Variants in NES observed in about 807,000 individuals in gnomAD.
NES encodes the protein nestin.
Under a neutral mutation model 35.6 loss-of-function variants are expected in NES, and 27 were observed. That is an observed-to-expected ratio of 0.76 (90% CI 0.56 to 1.04). The LOEUF is 1.04. Among genes scored for constraint, NES ranks in the 50% least tolerant of loss-of-function variants. The pLI is 0.00. For synonymous variants in NES, 822 were observed against 824.2 expected (o/e 1.00, Z 0.04); for missense variants, 1,867 against 1,983.6 (o/e 0.94, Z 1.12).
Position 156,676,656 on chromosome 1 carries a change from C to T in NES, c.609G>A (p.Ser203=). The T allele has an allele frequency of 1.3e-6, 2 of 1,525,854 alleles. No individual in the cohort carries two copies. Among genetic ancestry groups the T allele is most frequent in the Non-Finnish European group, 1.7e-6 (2 of 1,149,306 alleles). 94.5% of individuals were successfully genotyped at this position (1,525,854 alleles called of 1,614,324 possible). The change falls in exon 1 of 4, where the codon TCG becomes TCA. Residue 203 remains serine, a synonymous_variant. Transcript: ENST00000368223. The surrounding 1 kb of genome is among the most constrained non-coding windows in gnomAD (Gnocchi z 5.3). The part of the protein sequence containing the change: ...YQERVAHMET[S]LGQARERLGR... Reference sequence around the variant, plus strand: ...CCAGCCGCTCGCGGGCCTGGCCCAGCGACGTCTCCATGTGTGCCACGCGCT... The same window carrying T: ...CCAGCCGCTCGCGGGCCTGGCCCAGTGACGTCTCCATGTGTGCCACGCGCT...
rs761585389 is a variant in NES, at chr1:156,672,977, T to C, written c.1211A>G (p.Glu404Gly). ...PQAPSPAVDA[E>G]IRAQDAPLSL... ...GAGAGGAGCATCCTGGGCTCTGATC[T>C]CTGCATCTACAGCAGGAGAGGGTGC... The change falls in exon 4 of 4, where the codon GAG becomes GGG. Residue 404 changes from glutamate to glycine, a missense_variant. Coordinates refer to ENST00000368223, the MANE Select transcript of NES (RefSeq NM_006617.2). 1 of 1,614,004 alleles carries C rather than the reference T, an allele frequency of 6.2e-7. No homozygotes were observed. The highest frequency in any genetic ancestry group is 8.5e-7 in the Non-Finnish European group (1 of 1,179,950).
At position 156,676,337 on chromosome 1, in the gene NES, A is replaced by C; in HGVS notation, c.783+145T>G. 1 of 756,300 alleles carries C rather than the reference A, an allele frequency of 1.3e-6. No homozygotes were observed. The allele number at this position is 756,300 out of a possible 1,614,324, so 46.8% of individuals were successfully genotyped here. A position where few individuals can be genotyped will look rare whatever the true frequency, so the allele number is the denominator to read the frequency against. ...ACTAGACGGGCTGTAAAAGTCTAGG[A>C]CTTGTGGCACCAGGTTTCTGAGAAC... On this transcript the variant is annotated intron_variant, in intron 1 of 3. Transcript: ENST00000368223. The surrounding 1 kb of genome is among the most constrained non-coding windows in gnomAD (Gnocchi z 5.3).
rs781031799 is a variant in NES at position 156,670,511 on chromosome 1, G to T, written c.3677C>A (p.Thr1226Asn). Reference protein sequence around the residue: ...PVLVSPSPTYTPILEDAPGPQ... With the variant: ...PVLVSPSPTYNPILEDAPGPQ... ...CCCAGGGGCATCTTCCAGGATCGGG[G>T]TGTACGTTGGGCTGGGGGAGACCAG... Residue 1226 changes from threonine to asparagine, a missense_variant, in exon 4 of 4, where the codon ACC becomes AAC. Coordinates refer to ENST00000368223, the MANE Select transcript of NES (RefSeq NM_006617.2). The T allele has an allele frequency of 6.3e-7, 1 of 1,598,810 alleles. No homozygotes were observed. Among genetic ancestry groups the T allele is most frequent in the African/African-American group, 1.3e-5 (1 of 74,614 alleles).
At position 156,671,352 on chromosome 1, in the gene NES, C is replaced by T; in HGVS notation, c.2836G>A (p.Ala946Thr). ...EEEGQELPQS[A>T]DVQRWEDTVE... is the part of the protein sequence containing the mutation. ...GTATCTTCCCACCTCTGCACATCTG[C>T]AGACTGCGGCAGCTCCTGTCCCTCC... Residue 946 changes from alanine to threonine, a missense_variant, in exon 4 of 4, where the codon GCA becomes ACA. Coordinates refer to ENST00000368223, the MANE Select transcript of NES (RefSeq NM_006617.2). The T allele has an allele frequency of 6.2e-7, 1 of 1,614,126 alleles. No homozygotes were observed. Among genetic ancestry groups the T allele is most frequent in the African/African-American group, 1.3e-5 (1 of 75,060 alleles).
At chr1:156,674,967 G>T (rs752621410) in intron 2 of NES, among the ~76,000 whole-genome samples, 3 of 152,196 alleles carry the variant, frequency 2.0e-5, no homozygotes, top group Non-Finnish European at 4.4e-5. Context: ...AGGCTGTCCC[G>T]CTCGGCAATA....
Position 156,676,932 on chromosome 1 carries a change from G to T in NES, c.333C>A (p.Arg111=). ...ARERTTEEVA[R]NRRAVEAEKC... The stretch of plus-strand genomic sequence containing the variant: ...TCTCTGCCTCGACGGCGCGCCGGTT[G>T]CGGGCTACCTCCTCCGTCGTCCGCT... Residue 111 remains arginine, a synonymous_variant, in exon 1 of 4, where the codon CGC becomes CGA. Coordinates refer to ENST00000368223, the MANE Select transcript of NES (RefSeq NM_006617.2). This position sits in a 1 kb window ranked among gnomAD's most constrained non-coding sequence, Gnocchi z 5.3. 6.4e-7 allele frequency: 1 copy of T among 1,552,528 alleles called. No individual in the cohort carries two copies. The highest frequency in any genetic ancestry group is 8.6e-7 in the Non-Finnish European group (1 of 1,157,844).
At position 156,669,024 on chromosome 1, in the gene NES, G is replaced by A. The variant is rs144014364; in HGVS notation, c.*298C>T. 25 of 272,884 alleles carry A rather than the reference G, an allele frequency of 9.2e-5. No individual in the cohort carries two copies. In the East Asian group the frequency reaches 1.4e-3, roughly 15 times the overall value. The allele number at this position is 272,884 out of a possible 1,614,324, so 16.9% of individuals were successfully genotyped here. A position where few individuals can be genotyped will look rare whatever the true frequency, so the allele number is the denominator to read the frequency against. ...GGGCCACAGGCCTTTTCCAGCTGAC[G>A]GGATGCGGAGGGAAGGGGACCTAGT... On this transcript the variant is annotated 3_prime_UTR_variant, in exon 4 of 4. Transcript: ENST00000368223.
In NES at chr1:156,677,205, C is replaced by T. The variant is rs1354786208; in HGVS notation, c.60G>A (p.Glu20=). 2.5e-6 allele frequency: 4 copies of T among 1,612,742 alleles called. No individual in the cohort carries two copies. Among genetic ancestry groups the T allele is most frequent in the Non-Finnish European group, 3.4e-6 (4 of 1,179,942 alleles). The part of the protein sequence containing the change: ...FQMWELNRRL[E]AYLARVKALE... ...GCGCCTTGACCCGGGCCAGGTAGGC[C>T]TCCAGGCGCCGATTGAGCTCCCACA... Residue 20 remains glutamate, a synonymous_variant, in exon 1 of 4, where the codon GAG becomes GAA. Transcript: ENST00000368223. This position sits in a 1 kb window ranked among gnomAD's most constrained non-coding sequence, Gnocchi z 4.5.
At position 156,669,548 on chromosome 1, in the gene NES, T is replaced by C. The variant is rs746485395; in HGVS notation, c.4640A>G (p.Gln1547Arg). 6.2e-7 allele frequency: 1 copy of C among 1,613,230 alleles called. No individual in the cohort carries two copies. The highest frequency in any genetic ancestry group is 8.5e-7 in the Non-Finnish European group (1 of 1,179,352). The part of the protein sequence containing the change: ...GQGPNLEGKS[Q>R]HVNGGVMNGL... ...GTTCATCACTCCCCCATTCACATGC[T>C]GTGACTTCCCCTCCAAGTTGGGACC... Residue 1547 changes from glutamine to arginine, a missense_variant, in exon 4 of 4, where the codon CAG becomes CGG. Physicochemically the swap from Gln to Arg is conservative, Grantham distance 43. Transcript: ENST00000368223.
rs57188315 is a variant in NES, at chr1:156,669,745, G to A, written c.4443C>T (p.Pro1481=). ...DSLRGAVAGA[P]KTALETESQD... ...GGGACTCCGTTTCCAGGGCAGTCTTGGGGGCACCAGCCACTGCACCCCTCA... is the reference window on the plus strand; with the variant it reads ...GGGACTCCGTTTCCAGGGCAGTCTTAGGGGCACCAGCCACTGCACCCCTCA... The change falls in exon 4 of 4, where the codon CCC becomes CCT. Residue 1481 remains proline (P), a synonymous_variant. Transcript: ENST00000368223. 1.4e-5 allele frequency: 23 copies of A among 1,613,894 alleles called. No homozygotes were observed. The East Asian group carries it at 4.7e-4, about 33-fold the overall frequency.
intron 2 of NES, among the ~76,000 whole-genome samples, chr1:156,673,906 T>C (rs1393196209): frequency 6.6e-6 from 1 of 152,228 alleles, no homozygotes; most frequent in African/African-American, 2.4e-5. Context: ...ATTGCTGCCA[T>C]TGTCCAAGCC....
At position 156,671,676 on chromosome 1, in the gene NES, C is replaced by G. The variant is rs1250120078; in HGVS notation, c.2512G>C (p.Glu838Gln). 1 of 1,613,684 alleles carries G rather than the reference C, an allele frequency of 6.2e-7. No individual in the cohort carries two copies. Among genetic ancestry groups the G allele is most frequent in the Non-Finnish European group, 8.5e-7 (1 of 1,179,932 alleles). The change falls in exon 4 of 4, where the codon GAA becomes CAA. Residue 838 changes from glutamate to glutamine, a missense_variant. Physicochemically the swap from Glu to Gln is conservative, Grantham distance 29. Coordinates refer to ENST00000368223, the MANE Select transcript of NES (RefSeq NM_006617.2). ...SLKSAGQENLETLKSPETQAP... is the reference protein window; with the variant it reads ...SLKSAGQENLQTLKSPETQAP... Reference sequence around the variant, plus strand: ...TGAGTTTCTGGAGATTTCAGTGTTTCCAGGTTCTCTTGTCCCGCAGACTTC... The same window carrying G: ...TGAGTTTCTGGAGATTTCAGTGTTTGCAGGTTCTCTTGTCCCGCAGACTTC...
chr1:156,676,859 C>A lies in NES; in HGVS notation c.406G>T (p.Glu136Ter). 6.6e-7 allele frequency: 1 copy of A among 1,513,986 alleles called. No homozygotes were observed. The highest frequency in any genetic ancestry group is 1.3e-5 in the South Asian group (1 of 79,490). 93.8% of individuals were successfully genotyped at this position (1,513,986 alleles called of 1,614,324 possible). A position where few individuals can be genotyped will look rare whatever the true frequency, so the allele number is the denominator to read the frequency against. ...LSSQVAELERELEALRVAHEE... is the reference protein window; with the variant it reads ...LSSQVAELER Reference sequence around the variant, plus strand: ...TGCGCCACGCGTAGAGCCTCTAGCTCGCGCTCCAGCTCTGCCACCTGGCTA... The same window carrying A: ...TGCGCCACGCGTAGAGCCTCTAGCTAGCGCTCCAGCTCTGCCACCTGGCTA... The change falls in exon 1 of 4, where the codon GAG becomes TAG. Residue 136 changes from glutamate to a stop codon, truncating the protein, a stop_gained. Coordinates refer to ENST00000368223, the MANE Select transcript of NES (RefSeq NM_006617.2). LOFTEE classifies it high-confidence loss of function. This position sits in a 1 kb window ranked among gnomAD's most constrained non-coding sequence, Gnocchi z 5.3.
chr1:156,674,405 G>A (rs1679797915), intron 2 of NES, among the ~76,000 whole-genome samples: 1 of 152,140 alleles, frequency 6.6e-6, no homozygotes, highest in African/African-American at 2.4e-5. Flanking sequence ...TTCCCTGGCG[G>A]TGGAGCCCCT....
rs1679654663 is a variant in NES, at chr1:156,669,546, G to A, written c.4642C>T (p.His1548Tyr). The change falls in exon 4 of 4, where the codon CAT becomes TAT. Residue 1548 changes from histidine to tyrosine, a missense_variant. By Grantham distance (83) the His-to-Tyr change is moderately conservative. Transcript: ENST00000368223. The part of the protein sequence containing the change: ...QGPNLEGKSQ[H>Y]VNGGVMNGLE... ...CCGTTCATCACTCCCCCATTCACAT[G>A]CTGTGACTTCCCCTCCAAGTTGGGA... The A allele has an allele frequency of 6.2e-7, 1 of 1,613,066 alleles. No individual in the cohort carries two copies. Among genetic ancestry groups the A allele is most frequent in the South Asian group, 1.1e-5 (1 of 90,980 alleles).
At chr1:156,673,403 A>T in intron 3 of NES, 51 bp downstream of exon 3, 2 of 1,537,936 alleles carry the variant, frequency 1.3e-6, no homozygotes, top group Non-Finnish European at 1.8e-6. Flanking sequence ...AGGTCTGGGT[A>T]TGAAGAGCAA....
In NES at chr1:156,676,735, T is replaced by A. The variant is rs1028019933; in HGVS notation, c.530A>T (p.Glu177Val). 13 of 1,371,178 alleles carry A rather than the reference T, an allele frequency of 9.5e-6. No homozygotes were observed. The African/African-American group carries it at 2.0e-4, about 21-fold the overall frequency. The allele number at this position is 1,371,178 out of a possible 1,614,324, so 84.9% of individuals were successfully genotyped here. ...GPPAPAPEVE[E>V]LARRLGEAWR... is the part of the protein sequence containing the mutation. ...CGCCTCGCCCAGTCGCCTTGCCAGC[T>A]CCTCTACCTCCGGGGCCGGCGCGGG... Residue 177 changes from glutamate (E) to valine (V), a missense_variant, in exon 1 of 4, where the codon GAG (glutamate) becomes GTG (valine). Coordinates refer to ENST00000368223, the MANE Select transcript of NES (RefSeq NM_006617.2). The surrounding 1 kb of genome is among the most constrained non-coding windows in gnomAD (Gnocchi z 5.3).
Position 156,675,277 on chromosome 1 carries a change from C to T in NES, c.847G>A (p.Glu283Lys). 6.2e-7 allele frequency: 1 copy of T among 1,613,670 alleles called. No individual in the cohort carries two copies. The highest frequency in any genetic ancestry group is 8.5e-7 in the Non-Finnish European group (1 of 1,179,878). ...GLQSQIAQVL[E>K]GRQQLAHLKM... Reference sequence around the variant, plus strand: ...AGGTGCGCCAGCTGCTGCCGACCTTCCAGGACCTGAGCGATCTGGCTCTGT... The same window carrying T: ...AGGTGCGCCAGCTGCTGCCGACCTTTCAGGACCTGAGCGATCTGGCTCTGT... Residue 283 changes from glutamate (E) to lysine (K), a missense_variant, in exon 2 of 4, where the codon GAA becomes AAA. By Grantham distance (56) the Glu-to-Lys change is moderately conservative (BLOSUM62 1). Coordinates refer to ENST00000368223, the MANE Select transcript of NES (RefSeq NM_006617.2).
chr1:156,669,556 C>T lies in NES; in HGVS notation c.4632G>A (p.Gly1544=), dbSNP rs1215762304. Residue 1544 remains glycine (G), a synonymous_variant, in exon 4 of 4, where the codon GGG becomes GGA. Coordinates refer to ENST00000368223, the MANE Select transcript of NES (RefSeq NM_006617.2). The stretch of plus-strand genomic sequence containing the variant: ...CTCCCCCATTCACATGCTGTGACTT[C>T]CCCTCCAAGTTGGGACCCTGGCCAT... ...GVNGQGPNLE[G]KSQHVNGGVM... The T allele has an allele frequency of 6.2e-7, 1 of 1,613,570 alleles. No individual in the cohort carries two copies. The highest frequency in any genetic ancestry group is 1.7e-5 in the Admixed American group (1 of 59,986).
Sources: gnomAD v4.1 joint callset for allele counts (sites outside exome capture counted in the v4.1 genomes callset) on GRCh38, gnomAD v4.1.1 for gene constraint, Gnocchi (gnomAD v3.1) non-coding constraint, MANE v1.5 for transcripts, NCBI Gene and HGNC (gene_info 2026-07-23, HGNC 2026-07-21) for gene names.